The following SGSH variants were observed in gnomAD, a reference collection of about 807,000 sequenced individuals.
SGSH encodes N-sulfoglucosamine sulfohydrolase.
Under a neutral mutation model 51.0 loss-of-function variants are expected in SGSH, and 48 were observed. The observed-to-expected ratio is 0.94, with a 90% CI of 0.75 to 1.20. The LOEUF (loss-of-function observed/expected upper bound fraction) is 1.20. Among genes scored for constraint, SGSH ranks in the 50% most tolerant of loss-of-function variants. The probability of loss-of-function intolerance (pLI) is 0.00; values close to 1 mark genes in which losing one functional copy is unlikely to be tolerated. For missense variants in SGSH, 662 were observed against 717.8 expected (o/e 0.92, Z 0.89); for synonymous variants, 321 against 313.4 (o/e 1.02, Z -0.26).
At chr17:80,201,117 C>T in the SGSH span, 1 of 153,160 alleles carries the variant, frequency 6.5e-6, no homozygotes, top group Non-Finnish European at 1.5e-5. This position sits in a 1 kb window ranked among gnomAD's most constrained non-coding sequence, Gnocchi z 5.0. Flanking sequence ...TGACGATGTT[C>T]AGGGAGATAG....
chr17:80,220,180 C>T, intron 1 of SGSH, 46 bp downstream of exon 1: 2 of 1,437,152 alleles, frequency 1.4e-6, no homozygotes, highest in Non-Finnish European at 1.9e-6. Context: ...TGGCCACTTC[C>T]CCGGGCCACC....
rs1292710849 is a variant in SGSH at position 80,212,200 on chromosome 17, T to C, written c.820A>G (p.Asn274Asp). The part of the protein sequence containing the change: ...NDTLVIFTSD[N>D]GIPFPSGRTN... Reference sequence around the variant, plus strand: ...CTGCCGCTGGGGAAGGGGATCCCGTTGTCGGACGTGAAGATCACCAGTGTG... The same window carrying C: ...CTGCCGCTGGGGAAGGGGATCCCGTCGTCGGACGTGAAGATCACCAGTGTG... The change falls in exon 7 of 8, where the codon AAC becomes GAC. Residue 274 changes from asparagine to aspartate, a missense_variant. Physicochemically the swap from Asn to Asp is conservative, Grantham distance 23. Coordinates refer to ENST00000326317, the MANE Select transcript of SGSH (RefSeq NM_000199.5). This position sits in a 1 kb window ranked among gnomAD's most constrained non-coding sequence, Gnocchi z 5.9. 6.2e-7 allele frequency: 1 copy of C among 1,613,410 alleles called. No individual in the cohort carries two copies.
chr17:80,208,545 T>G, downstream of SGSH: 1 of 513,358 alleles, frequency 1.9e-6, no homozygotes, highest in South Asian at 3.3e-5. Context: ...TGCACACTTT[T>G]CTGTGGAAAC....
chr17:80,214,165 G>A lies in SGSH; in HGVS notation c.663+7C>T, dbSNP rs372662337. 20 of 1,604,988 alleles carry A rather than the reference G, an allele frequency of 1.2e-5. No homozygotes were observed. Among genetic ancestry groups the A allele is most frequent in the East Asian group, 9.0e-5 (4 of 44,572 alleles). ...GGCGTCCTGAAACACAGGAGGGGCC[G>A]TCCTACCAGCACGTCCAGTGGGTCG... On this transcript the variant is annotated splice_region_variant and intron_variant, in intron 5 of 7. Coordinates refer to ENST00000326317, the MANE Select transcript of SGSH (RefSeq NM_000199.5).
chr17:80,213,736 G>A lies in SGSH; in HGVS notation c.745+68C>T. The A allele has an allele frequency of 1.5e-6, 2 of 1,346,362 alleles. No individual in the cohort carries two copies. Among genetic ancestry groups the A allele is most frequent in the Non-Finnish European group, 2.1e-6 (2 of 969,244 alleles). 83.4% of individuals were successfully genotyped at this position (1,346,362 alleles called of 1,614,324 possible). A position where few individuals can be genotyped will look rare whatever the true frequency, so the allele number is the denominator to read the frequency against. ...ACCCACATTATGCCGTGACCTAAGA[G>A]GGCGCTGGCCCAGGATGGGGGACCC... On this transcript the variant is annotated intron_variant, in intron 6 of 7. Coordinates refer to ENST00000326317, the MANE Select transcript of SGSH (RefSeq NM_000199.5). This position sits in a 1 kb window ranked among gnomAD's most constrained non-coding sequence, Gnocchi z 4.6.
chr17:80,205,378 G>T (rs895821216), downstream of SGSH: 2 of 1,182,782 alleles, frequency 1.7e-6, no homozygotes, highest in Non-Finnish European at 1.2e-6. Flanking sequence ...GGCACAGAGC[G>T]GGGTGTGCAG....
At chr17:80,208,279 C>T (rs747407619), downstream of SGSH, 2 of 1,599,416 alleles carry the variant, frequency 1.3e-6, no homozygotes, top group East Asian at 4.5e-5. Flanking sequence ...GCCTGCTCAG[C>T]TGTGTCCGCC....
chr17:80,219,055 G>A (rs1331545447), intron 1 of SGSH, among the ~76,000 whole-genome samples: 1 of 150,636 alleles, frequency 6.6e-6, no homozygotes, highest in Non-Finnish European at 1.5e-5. Context: ...AGCTACTTGG[G>A]AGGCTGAGGC....
At chr17:80,201,664 AGTGCCCTC>A in the SGSH span, 1 of 1,515,272 alleles carries the variant, frequency 6.6e-7, no homozygotes, top group Admixed American at 1.7e-5. This position sits in a 1 kb window ranked among gnomAD's most constrained non-coding sequence, Gnocchi z 5.0. Context: ...GCCTCGCCTC[AGTGCCCTC>A]AGCGCCTTCT....
At chr17:80,204,914 TG>T, downstream of SGSH, 1 of 832,328 alleles carries the variant, frequency 1.2e-6, no homozygotes, top group Non-Finnish European at 1.8e-6. Context: ...CCTGTGCCCC[TG>T]GAATTCTAGG....
In SGSH at chr17:80,214,611, A is replaced by T. The variant is rs1378763987; in HGVS notation, c.506+4T>A. Reference sequence around the variant, plus strand: ...GGGGAAGGGGCAGGGGCCCCGACTCATACCGGTCATCCTGAGTCTGCAGGA... The same window carrying T: ...GGGGAAGGGGCAGGGGCCCCGACTCTTACCGGTCATCCTGAGTCTGCAGGA... On this transcript the variant is annotated splice_donor_region_variant and intron_variant, in intron 4 of 7. Transcript: ENST00000326317. 13 of 1,612,190 alleles carry T rather than the reference A, an allele frequency of 8.1e-6. No homozygotes were observed. The highest frequency in any genetic ancestry group is 1.0e-5 in the Non-Finnish European group (12 of 1,179,616).
chr17:80,201,634 C>T, the SGSH span: 1 of 1,160,236 alleles, frequency 8.6e-7, no homozygotes, highest in Non-Finnish European at 1.3e-6. This position sits in a 1 kb window ranked among gnomAD's most constrained non-coding sequence, Gnocchi z 5.0. Flanking sequence ...GGCAGTGGTC[C>T]TACGGCAGGG....
At chr17:80,205,343 C>G (rs2041239200), downstream of SGSH, 3 of 1,155,202 alleles carry the variant, frequency 2.6e-6, no homozygotes. Flanking sequence ...CTGCTGTGTC[C>G]AGATAGTTCA....
downstream of SGSH, chr17:80,203,855 C>CTATGAGGGCCCTCATCCAGGACT (rs755278513): frequency 6.3e-7 from 1 of 1,595,246 alleles, no homozygotes. This position sits in a 1 kb window ranked among gnomAD's most constrained non-coding sequence, Gnocchi z 4.6. Flanking sequence ...TCATCCAGGA[C>CTATGAGGGCCCTCATCCAGGACT]ATGACTCAGC....
chr17:80,202,311 C>A, downstream of SGSH: 4 of 1,613,774 alleles, frequency 2.5e-6, no homozygotes, highest in Non-Finnish European at 3.4e-6. Context: ...CGAGGTCCTG[C>A]ACGTCACCGA....
chr17:80,215,408 G>C (rs1263229515), intron 2 of SGSH, among the ~76,000 whole-genome samples: 2 of 152,230 alleles, frequency 1.3e-5, no homozygotes, highest in African/African-American at 4.8e-5. Flanking sequence ...TTCTTTTTGC[G>C]TATCCGTACT....
chr17:80,216,988 G>A lies in SGSH; in HGVS notation c.249+44C>T, dbSNP rs2041914215. The A allele has an allele frequency of 2.6e-6, 4 of 1,513,076 alleles. No homozygotes were observed. In the African/African-American group the frequency reaches 4.1e-5, roughly 16 times the overall value. 93.7% of individuals were successfully genotyped at this position (1,513,076 alleles called of 1,614,324 possible). The stretch of plus-strand genomic sequence containing the variant: ...GAGGCCTGGGCCCCGGACGCAGCCT[G>A]TCTACTCCCTGCCCACCCCCTCCTC... On this transcript the variant is annotated intron_variant, in intron 2 of 7. Coordinates refer to ENST00000326317, the MANE Select transcript of SGSH (RefSeq NM_000199.5).
Position 80,217,100 on chromosome 17 carries a change from G to GA in SGSH, c.180dup (p.Arg61SerfsTer75). On this transcript the variant is annotated frameshift_variant, in exon 2 of 8. Coordinates refer to ENST00000326317, the MANE Select transcript of SGSH (RefSeq NM_000199.5). LOFTEE classifies it high-confidence loss of function. ...CTGCTGACCGAGGTGAAGGCATTGC[G>GA]AAAGAGGAGGCTGCGGCGGGCCAAG... 6.2e-7 allele frequency: 1 copy of GA among 1,604,854 alleles called. No homozygotes were observed. The highest frequency in any genetic ancestry group is 8.5e-7 in the Non-Finnish European group (1 of 1,177,072).
Position 80,220,299 on chromosome 17 carries a change from C to G in SGSH, c.15G>C (p.Val5=), listed in dbSNP as rs1040195143. MSCP[V]PACCALLLVL... The stretch of plus-strand genomic sequence containing the variant: ...CTAGCAGCAGCGCGCAGCAGGCGGG[C>G]ACGGGGCAGCTCATGGCGGCGGCGG... Residue 5 remains valine (V), a synonymous_variant, in exon 1 of 8, where the codon GTG becomes GTC. Coordinates refer to ENST00000326317, the MANE Select transcript of SGSH (RefSeq NM_000199.5). The G allele has an allele frequency of 9.9e-6, 15 of 1,516,176 alleles. No homozygotes were observed. Among genetic ancestry groups the G allele is most frequent in the Non-Finnish European group, 1.2e-5 (14 of 1,138,950 alleles). The allele number at this position is 1,516,176 out of a possible 1,614,324, so 93.9% of individuals were successfully genotyped here. A position where few individuals can be genotyped will look rare whatever the true frequency, so the allele number is the denominator to read the frequency against.
Sources: allele counts gnomAD v4.1 joint callset (sites outside exome capture counted in the v4.1 genomes callset), GRCh38; gene constraint gnomAD v4.1.1; non-coding constraint Gnocchi (gnomAD v3.1); transcripts MANE v1.5; gene names NCBI Gene and HGNC (gene_info 2026-07-23, HGNC 2026-07-21).